The following ETFA variants were observed in gnomAD, a reference collection of about 807,000 sequenced individuals.
The protein encoded by ETFA is electron transfer flavoprotein subunit alpha, also known as electron transfer flavoprotein subunit alpha, mitochondrial.
ETFA carries 22 observed loss-of-function variants against 46.2 expected under a neutral mutation model. The observed-to-expected ratio is 0.48, with a 90% CI of 0.34 to 0.68. ETFA has a LOEUF of 0.68. ETFA is among the 30% of genes least tolerant of loss of function. The probability of loss-of-function intolerance (pLI) is 0.01; values close to 1 mark genes in which losing one functional copy is unlikely to be tolerated. For synonymous variants in ETFA, 131 were observed against 139.9 expected, an observed-to-expected ratio of 0.94 and a Z score of 0.45; for missense variants, 345 against 401.1, an observed-to-expected ratio of 0.86 and a Z score of 1.19.
intron 9 of ETFA, chr15:76,258,975 C>T (rs541656231): frequency 6.3e-7 from 1 of 1,592,320 alleles, no homozygotes; most frequent in African/African-American, 1.3e-5. Context: ...CTGATGCCCT[C>T]TGCCTGTGAG....
intron 10 of ETFA, chr15:76,228,899 C>T (rs749246457): frequency 8.5e-5 from 13 of 153,492 alleles, no homozygotes; most frequent in Non-Finnish European, 1.4e-4. Flanking sequence ...GGACCACAGG[C>T]GCCCGCCACC....
intron 9 of ETFA, 147 bp downstream of exon 9, chr15:76,274,265 C>T (rs2039571082): frequency 2.8e-6 from 2 of 705,940 alleles, no homozygotes; most frequent in Admixed American, 2.0e-5. Context: ...ACTACACAGA[C>T]CTTGTGAAAA....
At chr15:76,307,829 C>T (rs1439935988) in intron 1 of ETFA, among the ~76,000 whole-genome samples, 3 of 152,060 alleles carry the variant, frequency 2.0e-5, no homozygotes, top group Non-Finnish European at 4.4e-5. Flanking sequence ...ATATGCACAT[C>T]GTTAACAGTT....
intron 1 of ETFA, among the ~76,000 whole-genome samples, chr15:76,297,627 T>C (rs1025142432): frequency 6.6e-6 from 1 of 152,158 alleles, no homozygotes; most frequent in African/African-American, 2.4e-5. Flanking sequence ...TAAGTAGTTA[T>C]CCTAAGGAAC....
At chr15:76,298,129 G>A (rs1468158349) in intron 1 of ETFA, among the ~76,000 whole-genome samples, 1 of 151,372 alleles carries the variant, frequency 6.6e-6, no homozygotes, top group African/African-American at 2.4e-5. Flanking sequence ...TGCAACCACC[G>A]CCTCCAGGGT....
At chr15:76,259,276 C>A (rs1158367654) in intron 9 of ETFA, 1 of 1,573,606 alleles carries the variant, frequency 6.4e-7, no homozygotes, top group South Asian at 1.1e-5. Context: ...GCGGATAGCA[C>A]AGACAGCTGG....
chr15:76,259,734 A>T, intron 9 of ETFA: 2 of 1,525,492 alleles, frequency 1.3e-6, no homozygotes, highest in East Asian at 2.3e-5. Context: ...GCCAGCATGC[A>T]GTTCCGAGCG....
chr15:76,243,290 AAG>A (rs2039209915), intron 9 of ETFA, among the ~76,000 whole-genome samples: 1 of 152,180 alleles, frequency 6.6e-6, no homozygotes, highest in African/African-American at 2.4e-5. Flanking sequence ...AGAAAAGAAA[AAG>A]AAAAAAAATC....
rs574550507 is a variant in ETFA at position 76,241,668 on chromosome 15, G to A, written c.817-10270C>T. On this transcript the variant is annotated intron_variant, in intron 9 of 11. Coordinates refer to ENST00000557943, the MANE Select transcript of ETFA (RefSeq NM_000126.4). ...TACAAAAATTAGCCAGGCATGGGGGGCGGGCCCCTGTAAGTCCCAGCTACT... is the reference window on the plus strand; with the variant it reads ...TACAAAAATTAGCCAGGCATGGGGGACGGGCCCCTGTAAGTCCCAGCTACT... Among the ~76,000 whole-genome samples the A allele has an allele frequency of 6.6e-5, 10 of 151,384 alleles. No homozygotes were observed. The South Asian group carries it at 2.1e-3, about 32-fold the overall frequency.
At chr15:76,258,901 T>A (rs1418033793) in intron 9 of ETFA, 1 of 916,078 alleles carries the variant, frequency 1.1e-6, no homozygotes, top group African/African-American at 1.6e-5. Flanking sequence ...CCTTGCTGTC[T>A]GGGCTGAGGT....
At chr15:76,274,169 T>C (rs1274720507) in intron 9 of ETFA, 24 of 506,076 alleles carry the variant, frequency 4.7e-5, no homozygotes, top group South Asian at 4.3e-4. Flanking sequence ...TAATATGACT[T>C]AATTTGATAA....
chr15:76,226,285 T>TA, intron 10 of ETFA: 1 of 235,726 alleles, frequency 4.2e-6, no homozygotes, highest in South Asian at 5.5e-5. Context: ...TTTATTATTT[T>TA]AAAATTATTA....
At chr15:76,255,163 C>T (rs2039336364) in intron 9 of ETFA, among the ~76,000 whole-genome samples, 1 of 152,076 alleles carries the variant, frequency 6.6e-6, no homozygotes, top group African/African-American at 2.4e-5. Flanking sequence ...GAGAAATATA[C>T]TCTAAAAAAT....
chr15:76,243,880 A>G (rs763420376), intron 9 of ETFA, among the ~76,000 whole-genome samples: 3 of 151,536 alleles, frequency 2.0e-5, no homozygotes, highest in Non-Finnish European at 2.9e-5. Context: ...TATTATTATT[A>G]TTGTTATTAT....
intron 9 of ETFA, among the ~76,000 whole-genome samples, chr15:76,250,232 TAAAG>T (rs1285912431): frequency 1.3e-5 from 2 of 150,114 alleles, no homozygotes; most frequent in Middle Eastern, 7.1e-3. Flanking sequence ...GAAAAAAAGA[TAAAG>T]AACATATATA....
Position 76,257,545 on chromosome 15 carries a change from G to T in ETFA, c.816+16867C>A, listed in dbSNP as rs537477551. 1.5e-3 allele frequency among the ~76,000 whole-genome samples: 231 copies of T among 152,234 alleles called. 1 individual carries two copies. Among genetic ancestry groups the T allele is most frequent in the African/African-American group, 5.3e-3 (222 of 41,554 alleles). On this transcript the variant is annotated intron_variant, in intron 9 of 11. Coordinates refer to ENST00000557943, the MANE Select transcript of ETFA (RefSeq NM_000126.4). ...AGGTGCTGGAGAGGATGTGGAGAAA[G>T]AGGAACACTTTTACAATGTTGGTGG...
chr15:76,246,590 G>A (rs1260132968), intron 9 of ETFA, among the ~76,000 whole-genome samples: 1 of 152,130 alleles, frequency 6.6e-6, no homozygotes, highest in African/African-American at 2.4e-5. Flanking sequence ...CCAGCACTTT[G>A]GGAGGCTGAG....
chr15:76,251,325 A>C (rs2039295530), intron 9 of ETFA, among the ~76,000 whole-genome samples: 1 of 152,246 alleles, frequency 6.6e-6, no homozygotes, highest in Non-Finnish European at 1.5e-5. Flanking sequence ...CATGTAGATA[A>C]GCTGGATTTT....
At chr15:76,240,057 G>A (rs1473299521) in intron 9 of ETFA, among the ~76,000 whole-genome samples, 1 of 152,200 alleles carries the variant, frequency 6.6e-6, no homozygotes, top group Non-Finnish European at 1.5e-5. Context: ...TGTTGTTGTT[G>A]TTGATGATGT....
Sources: allele counts gnomAD v4.1 joint callset (sites outside exome capture counted in the v4.1 genomes callset), GRCh38; gene constraint gnomAD v4.1.1; transcripts MANE v1.5; gene names NCBI Gene and HGNC (gene_info 2026-07-23, HGNC 2026-07-21).